The following MATR3 variants were observed in gnomAD, a reference collection of about 807,000 sequenced individuals.
The protein encoded by MATR3 is matrin 3, also known as matrin-3.
In MATR3, 4 loss-of-function variants were observed where a neutral mutation model predicts 85.5. The ratio of observed to expected loss-of-function variants is 0.05; its 90% CI spans 0.02 to 0.11. The LOEUF (loss-of-function observed/expected upper bound fraction) is 0.11. MATR3 is among the 10% of genes least tolerant of loss of function. The probability of loss-of-function intolerance (pLI) is 1.00; values close to 1 mark genes in which losing one functional copy is unlikely to be tolerated. For missense variants in MATR3, 685 were observed against 1,016.1 expected (o/e 0.67, Z 4.43); for synonymous variants, 336 against 343.1 (o/e 0.98, Z 0.23).
intron 2 of MATR3, chr5:139,312,493 G>A (rs1755040319): frequency 6.6e-6 from 1 of 152,176 alleles, no homozygotes; most frequent in Non-Finnish European, 1.5e-5. Context: ...TGATTAGAGA[G>A]CCAGCTGGAG....
At chr5:139,287,543 C>T (rs960704105) in intron 3 of MATR3, among the ~76,000 whole-genome samples, 4 of 152,070 alleles carry the variant, frequency 2.6e-5, no homozygotes, top group African/African-American at 7.2e-5. Context: ...CGCCTGAACC[C>T]GGTGGGCGGA....
chr5:139,289,385 A>T (rs1753803740), upstream of MATR3, among the ~76,000 whole-genome samples: 1 of 152,208 alleles, frequency 6.6e-6, no homozygotes, highest in Non-Finnish European at 1.5e-5. Context: ...AAGCTACTGC[A>T]CTCCATCCTG....
rs1251121614 is a variant in MATR3 at position 139,321,876 on chromosome 5, GTTTCT to G, written c.1603-14_1603-10del. 3 of 1,610,870 alleles carry G rather than the reference GTTTCT, an allele frequency of 1.9e-6. No homozygotes were observed. The highest frequency in any genetic ancestry group is 1.7e-5 in the Admixed American group (1 of 59,790). ...TTTGTAAAATATAATGTGCTTTGTGGTTTCTTTTCTTTCTTTTTAAGGCTTTTATT... is the reference window on the plus strand; with the variant it reads ...TTTGTAAAATATAATGTGCTTTGTGGTTTCTTTCTTTTTAAGGCTTTTATT... On this transcript the variant is annotated splice_polypyrimidine_tract_variant and intron_variant, in intron 9 of 14. Transcript: ENST00000394805.
chr5:139,289,702 C>T (rs944854275), upstream of MATR3, among the ~76,000 whole-genome samples: 1 of 152,194 alleles, frequency 6.6e-6, no homozygotes, highest in Non-Finnish European at 1.5e-5. Flanking sequence ...ACAATTCCTT[C>T]GTTAAGATAT....
chr5:139,310,960 C>T (rs1263543816), intron 2 of MATR3: 1 of 152,268 alleles, frequency 6.6e-6, no homozygotes, highest in Non-Finnish European at 1.5e-5. Context: ...CGCCACCACG[C>T]CCAGCTAATT....
chr5:139,303,969 C>T (rs1410031550), intron 1 of MATR3, among the ~76,000 whole-genome samples: 1 of 152,014 alleles, frequency 6.6e-6, no homozygotes, highest in Non-Finnish European at 1.5e-5. Context: ...TATTTTAGTA[C>T]TCTAGTTCTT....
chr5:139,292,715 G>A (rs1753917825), upstream of MATR3, among the ~76,000 whole-genome samples: 2 of 152,158 alleles, frequency 1.3e-5, no homozygotes, highest in South Asian at 4.1e-4. Flanking sequence ...CGAGGCGGGC[G>A]GATCACAAGG....
chr5:139,319,627 C>T (rs1006936234), intron 9 of MATR3, 126 bp downstream of exon 9: 1 of 770,526 alleles, frequency 1.3e-6, no homozygotes, highest in South Asian at 1.7e-5. Flanking sequence ...GCAGGCAAAT[C>T]ACCTGAGGTC....
At chr5:139,316,861 A>C (rs185293789) in intron 5 of MATR3, among the ~76,000 whole-genome samples, 192 bp from the exon 6 acceptor site, 1 of 152,354 alleles carries the variant, frequency 6.6e-6, no homozygotes, top group East Asian at 1.9e-4. Flanking sequence ...CTGAAAATTA[A>C]AGGCAATGAT....
chr5:139,308,457 T>TA (rs1754817300), intron 2 of MATR3, 130 bp downstream of exon 2: 2 of 1,085,468 alleles, frequency 1.8e-6, no homozygotes, highest in East Asian at 2.4e-5. Context: ...TGAGAACACT[T>TA]ACTTTATTTG....
Position 139,322,583 on chromosome 5 carries a change from T to A in MATR3, c.1779-15T>A. ...CAGACAACAAATTAATTGTGGTGTGTCCTTTTGATTTCAGAAAAAGATCTT... is the reference window on the plus strand; with the variant it reads ...CAGACAACAAATTAATTGTGGTGTGACCTTTTGATTTCAGAAAAAGATCTT... On this transcript the variant is annotated splice_polypyrimidine_tract_variant and intron_variant, in intron 11 of 14. Coordinates refer to ENST00000394805, the MANE Select transcript of MATR3 (RefSeq NM_018834.6). 6.4e-7 allele frequency: 1 copy of A among 1,552,298 alleles called. No homozygotes were observed. Among genetic ancestry groups the A allele is most frequent in the South Asian group, 1.2e-5 (1 of 86,716 alleles).
chr5:139,280,237 T>C (rs1753465495), intron 3 of MATR3, among the ~76,000 whole-genome samples: 1 of 152,238 alleles, frequency 6.6e-6, no homozygotes, highest in South Asian at 2.1e-4. Flanking sequence ...TTGTTTTCAA[T>C]GATTTACAAA....
chr5:139,293,691 G>A (rs1351458929), upstream of MATR3: 24 of 313,600 alleles, frequency 7.7e-5, no homozygotes, highest in Non-Finnish European at 9.3e-5. Context: ...TTCTTGGGCT[G>A]CAGCCGCTGC....
intron 9 of MATR3, among the ~76,000 whole-genome samples, 182 bp downstream of exon 9, chr5:139,319,683 A>C (rs1379802995): frequency 6.6e-6 from 1 of 151,684 alleles, no homozygotes; most frequent in African/African-American, 2.4e-5. Flanking sequence ...TCGTATCTCT[A>C]TTAAAAATAC....
intron 12 of MATR3, 152 bp from the exon 13 acceptor site, chr5:139,325,288 C>A (rs1755792389): frequency 5.2e-6 from 8 of 1,552,452 alleles, no homozygotes; most frequent in Non-Finnish European, 6.1e-6. Context: ...ATTTGTCTTT[C>A]TTAACAGCGT....
At position 139,316,268 on chromosome 5, in the gene MATR3, G is replaced by A. The variant is rs975013549; in HGVS notation, c.1129+80G>A. On this transcript the variant is annotated intron_variant, in intron 5 of 14. Coordinates refer to ENST00000394805, the MANE Select transcript of MATR3 (RefSeq NM_018834.6). The stretch of plus-strand genomic sequence containing the variant: ...TTCTTTTTATTTATTTATTTGAGAT[G>A]GGGTTTTGCTCTTATCGCCCAGGCT... The A allele has an allele frequency of 1.0e-5, 11 of 1,081,498 alleles. No homozygotes were observed. In the African/African-American group the frequency reaches 1.7e-4, roughly 17 times the overall value. 67.0% of individuals were successfully genotyped at this position (1,081,498 alleles called of 1,614,324 possible). A position where few individuals can be genotyped will look rare whatever the true frequency, so the allele number is the denominator to read the frequency against.
At position 139,326,411 on chromosome 5, in the gene MATR3, CT is replaced by C. The variant is rs1045409015; in HGVS notation, c.2493+132del. ...GTGCAGTGCTTTCTCCTGAAGATAACTTTTTATTTACTTTTTTTTTTTTTTT... is the reference window on the plus strand; with the variant it reads ...GTGCAGTGCTTTCTCCTGAAGATAACTTTTATTTACTTTTTTTTTTTTTTT... On this transcript the variant is annotated intron_variant, in intron 14 of 14. Coordinates refer to ENST00000394805, the MANE Select transcript of MATR3 (RefSeq NM_018834.6). 1.9e-5 allele frequency: 14 copies of C among 741,174 alleles called. No homozygotes were observed. In the African/African-American group the frequency reaches 2.6e-4, roughly 14 times the overall value. 45.9% of individuals were successfully genotyped at this position (741,174 alleles called of 1,614,324 possible). A position where few individuals can be genotyped will look rare whatever the true frequency, so the allele number is the denominator to read the frequency against.
intron 1 of MATR3, among the ~76,000 whole-genome samples, chr5:139,294,282 C>T (rs972408424): frequency 6.6e-6 from 1 of 152,218 alleles, no homozygotes; most frequent in Non-Finnish European, 1.5e-5. Flanking sequence ...TATCTAAGTC[C>T]TTGGGTAGCG....
intron 3 of MATR3, among the ~76,000 whole-genome samples, chr5:139,281,093 C>T (rs1753502059): frequency 6.6e-6 from 1 of 151,948 alleles, no homozygotes; most frequent in South Asian, 2.1e-4. Context: ...CTCACTGCAC[C>T]CTTGACCTCC....
Sources: gnomAD v4.1 joint callset for allele counts (sites outside exome capture counted in the v4.1 genomes callset) on GRCh38, gnomAD v4.1.1 for gene constraint, MANE v1.5 for transcripts, NCBI Gene and HGNC (gene_info 2026-07-23, HGNC 2026-07-21) for gene names.